Variants in FAM91A1 observed in about 807,000 individuals in gnomAD.
FAM91A1 encodes the protein protein FAM91A1.
In FAM91A1, 41 loss-of-function variants were observed where a neutral mutation model predicts 113.5. That is an observed-to-expected ratio of 0.36 (90% CI 0.28 to 0.47). The LOEUF is 0.47. FAM91A1 is among the 20% of genes least tolerant of loss of function. The probability of loss-of-function intolerance (pLI) is 1.00; values close to 1 mark genes in which losing one functional copy is unlikely to be tolerated. For synonymous variants in FAM91A1, 307 were observed against 347.9 expected (o/e 0.88, Z 1.31); for missense variants, 696 against 1,001.2 (o/e 0.70, Z 4.11).
At chr8:123,775,349 C>A in intron 3 of FAM91A1, 51 bp downstream of exon 3, 2 of 1,577,100 alleles carry the variant, frequency 1.3e-6, no homozygotes, top group Non-Finnish European at 1.7e-6. Context: ...GACTACATGT[C>A]TGGGACTTTT....
chr8:123,778,366 G>GAA (rs1175747694), intron 5 of FAM91A1, among the ~76,000 whole-genome samples: 1 of 152,080 alleles, frequency 6.6e-6, no homozygotes, highest in African/African-American at 2.4e-5. Flanking sequence ...CTTAGTGGGT[G>GAA]AAAAAAGTGT....
At chr8:123,801,641 A>G (rs1815684630) in intron 18 of FAM91A1, among the ~76,000 whole-genome samples, 1 of 152,224 alleles carries the variant, frequency 6.6e-6, no homozygotes, top group African/African-American at 2.4e-5. Context: ...AATTACATAT[A>G]GTGGAAGACT....
intron 8 of FAM91A1, 57 bp downstream of exon 8, chr8:123,780,599 T>C (rs1418282197): frequency 1.2e-5 from 16 of 1,361,196 alleles, no homozygotes; most frequent in African/African-American, 1.5e-5. Context: ...GTGCTAAGCA[T>C]TGCATATCAT....
Position 123,798,249 on chromosome 8 carries a change from A to G in FAM91A1, c.1560+11A>G, listed in dbSNP as rs1192370301. On this transcript the variant is annotated intron_variant, in intron 16 of 23. Coordinates refer to ENST00000334705, the MANE Select transcript of FAM91A1 (RefSeq NM_144963.4). ...AGCTGCACCCCTCAGGTAAAGACCTACTTGGAAGATCCACTTGGTAGTGTC... is the reference window on the plus strand; with the variant it reads ...AGCTGCACCCCTCAGGTAAAGACCTGCTTGGAAGATCCACTTGGTAGTGTC... The G allele has an allele frequency of 1.9e-6, 3 of 1,612,730 alleles. No homozygotes were observed. The highest frequency in any genetic ancestry group is 2.5e-6 in the Non-Finnish European group (3 of 1,179,438).
chr8:123,782,202 C>G (rs1261529177), intron 8 of FAM91A1, among the ~76,000 whole-genome samples: 1 of 152,162 alleles, frequency 6.6e-6, no homozygotes, highest in African/African-American at 2.4e-5. Context: ...TGTGTTCTAC[C>G]ATACTTCACT....
At chr8:123,800,731 T>C (rs1485279700) in intron 18 of FAM91A1, among the ~76,000 whole-genome samples, 3 of 152,350 alleles carry the variant, frequency 2.0e-5, no homozygotes, top group Non-Finnish European at 4.4e-5. Context: ...GTTGTCTCTA[T>C]AGATTTGCCG....
intron 15 of FAM91A1, among the ~76,000 whole-genome samples, chr8:123,794,546 T>C (rs1046390905): frequency 1.3e-5 from 2 of 152,256 alleles, no homozygotes; most frequent in African/African-American, 2.4e-5. Flanking sequence ...AGGTATCTCT[T>C]GTTGCTATTG....
At chr8:123,787,036 A>G (rs1333678723) in intron 12 of FAM91A1, among the ~76,000 whole-genome samples, 1 of 152,254 alleles carries the variant, frequency 6.6e-6, no homozygotes, top group African/African-American at 2.4e-5. Context: ...GGCTAAGCCC[A>G]AAGGGAAACA....
At chr8:123,782,413 TCAA>T (rs1815147183) in intron 8 of FAM91A1, among the ~76,000 whole-genome samples, 1 of 152,200 alleles carries the variant, frequency 6.6e-6, no homozygotes, top group African/African-American at 2.4e-5. Flanking sequence ...CAGATACGTT[TCAA>T]CAACAAAACA....
intron 13 of FAM91A1, 38 bp downstream of exon 13, chr8:123,787,411 A>T: frequency 7.1e-7 from 1 of 1,417,772 alleles, no homozygotes. Context: ...AGGTGTTTAA[A>T]ATAAATACTA....
chr8:123,804,186 G>A (rs1467614602), intron 18 of FAM91A1, among the ~76,000 whole-genome samples: 6 of 152,002 alleles, frequency 3.9e-5, no homozygotes, highest in South Asian at 2.1e-4. Flanking sequence ...AAAATAAAAC[G>A]TTATTAAAAG....
Position 123,788,476 on chromosome 8 carries a change from TA to T in FAM91A1, c.1278+736del, listed in dbSNP as rs146978782. On this transcript the variant is annotated intron_variant, in intron 14 of 23. Transcript: ENST00000334705. ...GTGATTCTGCAACTCCTTTATATCT[TA>T]AAAAAAAAAGACTGTAACATTTTTC... Among the ~76,000 whole-genome samples, 44 of 148,804 alleles carry T rather than the reference TA, an allele frequency of 3.0e-4. 1 individual carries two copies. The highest frequency in any genetic ancestry group is 2.5e-3 in the South Asian group (12 of 4,736).
chr8:123,768,534 G>A lies in FAM91A1; in HGVS notation c.-169G>A, dbSNP rs1444151053. 4 of 542,638 alleles carry A rather than the reference G, an allele frequency of 7.4e-6. No individual in the cohort carries two copies. The highest frequency in any genetic ancestry group is 6.1e-5 in the African/African-American group (3 of 49,110). 33.6% of individuals were successfully genotyped at this position (542,638 alleles called of 1,614,324 possible). On this transcript the variant is annotated 5_prime_UTR_variant, in exon 1 of 24. Coordinates refer to ENST00000334705, the MANE Select transcript of FAM91A1 (RefSeq NM_144963.4). Reference sequence around the variant, plus strand: ...TGCTGCTCTTGTACTCGGTTGGCCCGGGCGGCGCTGAACTGTCGGGAGCCT... The same window carrying A: ...TGCTGCTCTTGTACTCGGTTGGCCCAGGCGGCGCTGAACTGTCGGGAGCCT...
chr8:123,774,994 A>G (rs909548835), intron 2 of FAM91A1, among the ~76,000 whole-genome samples, 153 bp from the exon 3 acceptor site: 1 of 152,132 alleles, frequency 6.6e-6, no homozygotes, highest in African/African-American at 2.4e-5. Context: ...TTCATGTGAT[A>G]TATTTCTTTG....
At chr8:123,797,021 A>T (rs1436780465) in intron 15 of FAM91A1, among the ~76,000 whole-genome samples, 2 of 151,850 alleles carry the variant, frequency 1.3e-5, no homozygotes, top group East Asian at 3.9e-4. Context: ...AGATGGCGCC[A>T]CTGCACTCCA....
chr8:123,811,626 T>C (rs1243929287), intron 23 of FAM91A1, among the ~76,000 whole-genome samples: 1 of 151,956 alleles, frequency 6.6e-6, no homozygotes, highest in East Asian at 1.9e-4. Flanking sequence ...CTTATGTTTT[T>C]TGATTAGCTG....
chr8:123,768,569 G>A lies in FAM91A1; in HGVS notation c.-134G>A, dbSNP rs996880599. The A allele has an allele frequency of 5.6e-6, 4 of 711,138 alleles. No individual in the cohort carries two copies. The highest frequency in any genetic ancestry group is 8.9e-6 in the Non-Finnish European group (4 of 447,212). 44.1% of individuals were successfully genotyped at this position (711,138 alleles called of 1,614,324 possible). ...GAACTGTCGGGAGCCTAGGCCATGG[G>A]GCAGCCTGGGCCTTCTGCAGTGTGA... is the stretch of plus-strand genomic sequence containing the variant. On this transcript the variant is annotated 5_prime_UTR_variant, in exon 1 of 24. Coordinates refer to ENST00000334705, the MANE Select transcript of FAM91A1 (RefSeq NM_144963.4).
chr8:123,790,456 A>G (rs1455363509), intron 15 of FAM91A1, among the ~76,000 whole-genome samples: 1 of 152,228 alleles, frequency 6.6e-6, no homozygotes, highest in African/African-American at 2.4e-5. Flanking sequence ...GCACCCCTGC[A>G]TGAGCACTTG....
At chr8:123,775,897 G>A (rs1011740333) in intron 3 of FAM91A1, among the ~76,000 whole-genome samples, 5 of 152,094 alleles carry the variant, frequency 3.3e-5, no homozygotes, top group African/African-American at 4.8e-5. Context: ...CCTGGGAGGT[G>A]GAGGTTGCAG....
Sources: allele counts gnomAD v4.1 joint callset (sites outside exome capture counted in the v4.1 genomes callset), GRCh38; gene constraint gnomAD v4.1.1; transcripts MANE v1.5; gene names NCBI Gene and HGNC (gene_info 2026-07-23, HGNC 2026-07-21).